ITGA9: variants seen among roughly 807,000 people sequenced by gnomAD.
The protein encoded by ITGA9 is integrin alpha-9.
Under a neutral mutation model 127.8 loss-of-function variants are expected in ITGA9, and 56 were observed. That is an observed-to-expected ratio of 0.44 (90% CI 0.35 to 0.55). ITGA9 has a LOEUF of 0.55. ITGA9 is among the 20% of genes least tolerant of loss of function. The probability of loss-of-function intolerance (pLI) is 0.00; values close to 1 mark genes in which losing one functional copy is unlikely to be tolerated. For missense variants in ITGA9, 1,196 were observed against 1,347.1 expected, an observed-to-expected ratio of 0.89 and a Z score of 1.76; for synonymous variants, 508 against 514.5, an observed-to-expected ratio of 0.99 and a Z score of 0.17.
intron 17 of ITGA9, among the ~76,000 whole-genome samples, chr3:37,675,023 A>G (rs1700668348): frequency 6.6e-6 from 1 of 152,204 alleles, no homozygotes; most frequent in Non-Finnish European, 1.5e-5. Context: ...CCATTCTCCT[A>G]TTCAGAAAGC....
At position 37,799,538 on chromosome 3, in the gene ITGA9, G is replaced by A. The variant is rs1697211887; in HGVS notation, c.2890-4285G>A. Among the ~76,000 whole-genome samples the A allele has an allele frequency of 1.3e-5, 2 of 152,304 alleles. No individual in the cohort carries two copies. The highest frequency in any genetic ancestry group is 2.4e-5 in the African/African-American group (1 of 41,566). ...GGAGAGGCCTCTAACTGGCTAGAAT[G>A]TAAATATGTGTCCTGGGAGCAGCTG... is the stretch of plus-strand genomic sequence containing the variant. On this transcript the variant is annotated intron_variant, in intron 26 of 27. Coordinates refer to ENST00000264741, the MANE Select transcript of ITGA9 (RefSeq NM_002207.3). This position sits in a 1 kb window ranked among gnomAD's most constrained non-coding sequence, Gnocchi z 4.0.
Position 37,586,025 on chromosome 3 carries a change from AGTGATGATG to A in ITGA9, c.1690-43155_1690-43147del, listed in dbSNP as rs561754636. Reference sequence around the variant, plus strand: ...GACTGAGGAGACGTGCCATGATGAGAGTGATGATGGTGATGGTGGCAGACAAGAGCATGT... The same window carrying A: ...GACTGAGGAGACGTGCCATGATGAGAGTGATGGTGGCAGACAAGAGCATGT... On this transcript the variant is annotated intron_variant, in intron 15 of 27. Transcript: ENST00000264741. Among the ~76,000 whole-genome samples the A allele has an allele frequency of 6.8e-3, 1,034 of 152,262 alleles. 6 individuals are homozygous for A. The highest frequency in any genetic ancestry group is 0.02 in the Middle Eastern group (6 of 294).
At chr3:37,575,629 C>T (rs1285968417) in intron 15 of ITGA9, among the ~76,000 whole-genome samples, 1 of 152,020 alleles carries the variant, frequency 6.6e-6, no homozygotes, top group Non-Finnish European at 1.5e-5. Context: ...CAAGACAGGA[C>T]CCAAGCCCAA....
At chr3:37,621,794 T>G (rs1198644001) in intron 15 of ITGA9, among the ~76,000 whole-genome samples, 1 of 152,232 alleles carries the variant, frequency 6.6e-6, no homozygotes, top group Non-Finnish European at 1.5e-5. Flanking sequence ...ATGATATCCA[T>G]TACTATATGT....
chr3:37,478,529 C>T (rs183961528), intron 3 of ITGA9, among the ~76,000 whole-genome samples: 1 of 152,284 alleles, frequency 6.6e-6, no homozygotes, highest in African/African-American at 2.4e-5. Context: ...CTTCCCCTTT[C>T]TTATGATTAG....
chr3:37,779,856 CTT>C, intron 24 of ITGA9, 44 bp from the exon 25 acceptor site: 1 of 1,606,812 alleles, frequency 6.2e-7, no homozygotes, highest in Non-Finnish European at 8.5e-7. Context: ...GTGGATTTGT[CTT>C]TGTTCTTAAT....
chr3:37,738,302 C>T (rs1486633650), intron 20 of ITGA9, among the ~76,000 whole-genome samples: 8 of 152,196 alleles, frequency 5.3e-5, no homozygotes, highest in Admixed American at 5.2e-4. Context: ...AGTCTGTTTT[C>T]AGGCTGAAGC....
intron 15 of ITGA9, among the ~76,000 whole-genome samples, chr3:37,622,660 T>C (rs1270694969): frequency 6.6e-6 from 1 of 151,972 alleles, no homozygotes; most frequent in Non-Finnish European, 1.5e-5. Flanking sequence ...CTGGCCAACA[T>C]GGTGAAAACC....
intron 15 of ITGA9, among the ~76,000 whole-genome samples, chr3:37,586,393 C>T (rs185424306): frequency 7.9e-4 from 121 of 152,238 alleles, no homozygotes; most frequent in African/African-American, 2.6e-3. Context: ...CTCTGACAGA[C>T]GGCTCTAGGC....
At chr3:37,521,490 T>G (rs1329675363) in intron 11 of ITGA9, among the ~76,000 whole-genome samples, 1 of 152,244 alleles carries the variant, frequency 6.6e-6, no homozygotes. Flanking sequence ...GCGGCCCCTA[T>G]GATCCTTCTC....
chr3:37,519,932 C>T (rs1320882094), intron 11 of ITGA9, among the ~76,000 whole-genome samples: 2 of 152,212 alleles, frequency 1.3e-5, no homozygotes, highest in East Asian at 3.8e-4. Flanking sequence ...ATGCTCTCAG[C>T]AGAAGCATTG....
At chr3:37,542,369 G>A (rs1699281723) in intron 14 of ITGA9, 56 bp from the exon 15 acceptor site, 2 of 1,574,828 alleles carry the variant, frequency 1.3e-6, no homozygotes, top group Non-Finnish European at 1.7e-6. Context: ...AAAAGAGGTG[G>A]CCTCATCACA....
At chr3:37,666,415 T>G (rs1700586988) in intron 17 of ITGA9, among the ~76,000 whole-genome samples, 1 of 152,192 alleles carries the variant, frequency 6.6e-6, no homozygotes. Flanking sequence ...TTTGTTTAGC[T>G]CCTGATTCTG....
rs561209132 is a variant in ITGA9, at chr3:37,543,149, T to C, written c.1689+564T>C. On this transcript the variant is annotated intron_variant, in intron 15 of 27. Coordinates refer to ENST00000264741, the MANE Select transcript of ITGA9 (RefSeq NM_002207.3). ...TCTCCTCTTGAAATTGTTTGTTAAA[T>C]ACACTTTGCTGCTAATTCAGGAGGC... Among the ~76,000 whole-genome samples the C allele has an allele frequency of 2.0e-5, 3 of 152,368 alleles. No individual in the cohort carries two copies. The South Asian group carries it at 6.2e-4, about 32-fold the overall frequency.
chr3:37,721,370 C>A (rs1008311489), intron 18 of ITGA9, among the ~76,000 whole-genome samples: 3 of 152,090 alleles, frequency 2.0e-5, no homozygotes, highest in Non-Finnish European at 2.9e-5. Context: ...CCTGCCTTGG[C>A]CTCCCAAAAT....
At chr3:37,778,011 T>A (rs1318192095) in intron 24 of ITGA9, among the ~76,000 whole-genome samples, 1 of 152,188 alleles carries the variant, frequency 6.6e-6, no homozygotes, top group Non-Finnish European at 1.5e-5. Flanking sequence ...GGAGAATAAG[T>A]AAGCAATTGT....
chr3:37,575,721 G>A (rs900580631), intron 15 of ITGA9, among the ~76,000 whole-genome samples: 1 of 152,076 alleles, frequency 6.6e-6, no homozygotes, highest in Non-Finnish European at 1.5e-5. Flanking sequence ...CTGGTAGAAG[G>A]GAGACAGTGA....
intron 1 of ITGA9, among the ~76,000 whole-genome samples, chr3:37,458,954 A>G (rs1271769553): frequency 6.6e-6 from 1 of 152,190 alleles, no homozygotes; most frequent in Non-Finnish European, 1.5e-5. Context: ...GGATTTGGCG[A>G]TCAACCAAAG....
At chr3:37,464,409 T>C (rs2125549384) in intron 1 of ITGA9, among the ~76,000 whole-genome samples, 1 of 152,200 alleles carries the variant, frequency 6.6e-6, no homozygotes, top group East Asian at 1.9e-4. Context: ...GTGTTTGACC[T>C]ACTACTGCCC....
Sources: allele counts gnomAD v4.1 joint callset (sites outside exome capture counted in the v4.1 genomes callset), GRCh38; gene constraint gnomAD v4.1.1; non-coding constraint Gnocchi (gnomAD v3.1); transcripts MANE v1.5; gene names NCBI Gene and HGNC (gene_info 2026-07-23, HGNC 2026-07-21).